ARHGAP26: variants seen among roughly 807,000 people sequenced by gnomAD.
The protein encoded by ARHGAP26 is rho GTPase-activating protein 26.
Under a neutral mutation model 104.8 loss-of-function variants are expected in ARHGAP26, and 38 were observed. The ratio of observed to expected loss-of-function variants is 0.36; its 90% CI spans 0.28 to 0.48. ARHGAP26 has a LOEUF of 0.48. ARHGAP26 is among the 20% of genes least tolerant of loss of function. The pLI is 0.99. For missense variants in ARHGAP26, 704 were observed against 947.9 expected (o/e 0.74, Z 3.38); for synonymous variants, 341 against 340.0 (o/e 1.00, Z -0.03).
intron 14 of ARHGAP26, among the ~76,000 whole-genome samples, chr5:143,048,151 T>C (rs1784484457): frequency 6.6e-6 from 1 of 151,886 alleles, no homozygotes; most frequent in Non-Finnish European, 1.5e-5. Context: ...CACCTGGCAG[T>C]GTGTTCCTCT....
At chr5:143,036,998 C>A (rs567618306) in intron 12 of ARHGAP26, among the ~76,000 whole-genome samples, 198 bp from the exon 13 acceptor site, 8 of 152,160 alleles carry the variant, frequency 5.3e-5, no homozygotes, top group Non-Finnish European at 1.2e-4. Flanking sequence ...CACTTAAAAC[C>A]ATACCTAGCA....
chr5:142,792,172 ATACCC>A (rs540607903), intron 1 of ARHGAP26, among the ~76,000 whole-genome samples: 50 of 152,308 alleles, frequency 3.3e-4, no homozygotes, highest in African/African-American at 1.1e-3. Context: ...CTTCCAGTAG[ATACCC>A]TCAGGGCATA....
chr5:142,820,461 A>AC (rs1554117997), intron 1 of ARHGAP26, among the ~76,000 whole-genome samples: 1 of 151,266 alleles, frequency 6.6e-6, no homozygotes, highest in Non-Finnish European at 1.5e-5. Context: ...AAACAAACAA[A>AC]AAAAACCCAC....
chr5:142,960,530 T>A (rs955397965), intron 11 of ARHGAP26, among the ~76,000 whole-genome samples: 6 of 152,224 alleles, frequency 3.9e-5, no homozygotes, highest in African/African-American at 1.4e-4. Flanking sequence ...GCCATCTAGG[T>A]TATCAGATCA....
At chr5:143,124,456 C>T (rs947836630) in intron 18 of ARHGAP26, among the ~76,000 whole-genome samples, 3 of 152,200 alleles carry the variant, frequency 2.0e-5, no homozygotes, top group Non-Finnish European at 2.9e-5. Flanking sequence ...CTTATGTGTG[C>T]CCCTTGTGGT....
At chr5:142,974,699 C>T (rs149947767) in intron 11 of ARHGAP26, among the ~76,000 whole-genome samples, 26 of 152,208 alleles carry the variant, frequency 1.7e-4, no homozygotes, top group Non-Finnish European at 3.5e-4. Flanking sequence ...CTTCCATCCT[C>T]GCTTGTCTTC....
rs370980892 is a variant in ARHGAP26, at chr5:143,214,852, G to A, written c.2191+764G>A. Among the ~76,000 whole-genome samples, 12 of 152,230 alleles carry A rather than the reference G, an allele frequency of 7.9e-5. No individual in the cohort carries two copies. The South Asian group carries it at 1.2e-3, about 16-fold the overall frequency. On this transcript the variant is annotated intron_variant, in intron 22 of 22. Coordinates refer to ENST00000645722, the MANE Select transcript of ARHGAP26 (RefSeq NM_001135608.3). ...GATTACCCCAGAACTGCATGTGGGC[G>A]TCTGAGTCTGCATTCCCTTTTATCG...
intron 17 of ARHGAP26, among the ~76,000 whole-genome samples, chr5:143,117,840 G>A (rs1029679809): frequency 6.6e-6 from 1 of 152,222 alleles, no homozygotes; most frequent in East Asian, 1.9e-4. Flanking sequence ...AGTTTAATGA[G>A]TAAGTAGCTG....
At chr5:143,067,423 A>G (rs3776327) in intron 17 of ARHGAP26, among the ~76,000 whole-genome samples, 12,483 of 152,166 alleles carry the variant, frequency 0.082, 1,604 homozygotes, top group East Asian at 0.52. Flanking sequence ...ACTCTAAAGA[A>G]GGTCATGCCT....
At chr5:143,194,753 A>G (rs1260269605) in intron 20 of ARHGAP26, among the ~76,000 whole-genome samples, 1 of 152,194 alleles carries the variant, frequency 6.6e-6, no homozygotes, top group East Asian at 1.9e-4. Context: ...GGAAAGGGTG[A>G]TTTTGCTGGA....
chr5:143,149,104 T>C (rs1294801958), intron 20 of ARHGAP26, among the ~76,000 whole-genome samples: 1 of 152,120 alleles, frequency 6.6e-6, no homozygotes, highest in African/African-American at 2.4e-5. Flanking sequence ...CTAGATACGA[T>C]TTATTTTCAT....
At chr5:143,014,361 T>A in intron 12 of ARHGAP26, 1 of 572,378 alleles carries the variant, frequency 1.7e-6, no homozygotes, top group Non-Finnish European at 3.1e-6. Context: ...GGTCACACTT[T>A]ACAAAGCATT....
chr5:143,222,556 C>G lies in ARHGAP26; in HGVS notation c.*110C>G. Reference sequence around the variant, plus strand: ...ACTGAGAAATGCAGCGTGACTGACTCTGTTGCTACCTGTCAACATGAATGT... The same window carrying G: ...ACTGAGAAATGCAGCGTGACTGACTGTGTTGCTACCTGTCAACATGAATGT... On this transcript the variant is annotated 3_prime_UTR_variant, in exon 23 of 23. Coordinates refer to ENST00000645722, the MANE Select transcript of ARHGAP26 (RefSeq NM_001135608.3). 1.3e-6 allele frequency: 1 copy of G among 748,536 alleles called. No homozygotes were observed. The highest frequency in any genetic ancestry group is 2.0e-6 in the Non-Finnish European group (1 of 492,770). The allele number at this position is 748,536 out of a possible 1,614,324, so 46.4% of individuals were successfully genotyped here.
intron 20 of ARHGAP26, among the ~76,000 whole-genome samples, chr5:143,206,009 G>A (rs934239499): frequency 6.6e-6 from 1 of 152,144 alleles, no homozygotes; most frequent in African/African-American, 2.4e-5. Context: ...TCACACTGTG[G>A]TTTTTGCTGT....
At chr5:143,187,998 C>T (rs964479825) in intron 20 of ARHGAP26, among the ~76,000 whole-genome samples, 3 of 152,292 alleles carry the variant, frequency 2.0e-5, no homozygotes, top group East Asian at 1.9e-4. Context: ...AGGACACTTT[C>T]GCAAACTACA....
At chr5:143,007,144 G>A (rs1255807716) in intron 11 of ARHGAP26, among the ~76,000 whole-genome samples, 1 of 146,032 alleles carries the variant, frequency 6.8e-6, no homozygotes, top group African/African-American at 2.6e-5. Flanking sequence ...GCAGTGAGCC[G>A]AGATCGCACC....
chr5:143,143,807 CG>C (rs1177891659), intron 19 of ARHGAP26, among the ~76,000 whole-genome samples: 1 of 152,302 alleles, frequency 6.6e-6, no homozygotes, highest in East Asian at 1.9e-4. Context: ...TCCCTGCCCT[CG>C]GGTAGTTTGC....
chr5:143,009,849 G>A (rs1471835515), intron 11 of ARHGAP26, among the ~76,000 whole-genome samples: 1 of 152,180 alleles, frequency 6.6e-6, no homozygotes, highest in East Asian at 1.9e-4. Flanking sequence ...TTGGGTTGTT[G>A]AAGGTGCATT....
chr5:143,010,137 A>G (rs1358647235), intron 11 of ARHGAP26, among the ~76,000 whole-genome samples: 1 of 152,200 alleles, frequency 6.6e-6, no homozygotes, highest in Non-Finnish European at 1.5e-5. Context: ...GACCATTTCT[A>G]AAGGGTGAAT....
Sources: gnomAD v4.1 joint callset for allele counts (sites outside exome capture counted in the v4.1 genomes callset) on GRCh38, gnomAD v4.1.1 for gene constraint, MANE v1.5 for transcripts, NCBI Gene and HGNC (gene_info 2026-07-23, HGNC 2026-07-21) for gene names.